Variants in SFRP1 observed in about 807,000 individuals in gnomAD.
SFRP1 encodes the protein secreted frizzled-related protein 1.
In SFRP1, 9 loss-of-function variants were observed where a neutral mutation model predicts 25.9. The observed-to-expected ratio is 0.35, with a 90% CI of 0.21 to 0.61. The LOEUF (loss-of-function observed/expected upper bound fraction) is 0.61, where lower values mean the gene tolerates loss of function less well. Ranked by LOEUF, SFRP1 falls within the 20% of genes least tolerant of loss-of-function variation. The pLI is 0.78. For missense variants in SFRP1, 346 were observed against 418.2 expected (o/e 0.83, Z 1.51); for synonymous variants, 178 against 174.0 (o/e 1.02, Z -0.18).
At chr8:41,298,089 G>A (rs1409511907) in intron 2 of SFRP1, 2 of 152,208 alleles carry the variant, frequency 1.3e-5, no homozygotes, top group Admixed American at 6.5e-5. Context: ...AGTAACGTGA[G>A]GGCACGGACT....
intron 2 of SFRP1, among the ~76,000 whole-genome samples, chr8:41,281,288 C>CTGTTA (rs1282893649): frequency 1.1e-4 from 17 of 152,386 alleles, no homozygotes; most frequent in African/African-American, 3.6e-4. Context: ...AAGCTTTGCC[C>CTGTTA]TGTTACACAG....
At chr8:41,270,116 T>C (rs1803485904) in intron 2 of SFRP1, among the ~76,000 whole-genome samples, 1 of 151,506 alleles carries the variant, frequency 6.6e-6, no homozygotes, top group Non-Finnish European at 1.5e-5. Context: ...GGATCTGGAG[T>C]GGTGAGGGCA....
chr8:41,268,058 G>T (rs916716644), intron 2 of SFRP1, among the ~76,000 whole-genome samples: 1 of 152,190 alleles, frequency 6.6e-6, no homozygotes, highest in Non-Finnish European at 1.5e-5. Flanking sequence ...TTATTTATTA[G>T]AGATGGGAGA....
intron 2 of SFRP1, among the ~76,000 whole-genome samples, chr8:41,269,038 C>T (rs1803470385): frequency 6.6e-6 from 1 of 152,220 alleles, no homozygotes; most frequent in South Asian, 2.1e-4. Context: ...GACTGCAGGC[C>T]TGGTGGATCG....
chr8:41,276,915 A>G (rs2117488922), intron 2 of SFRP1: 1 of 456,368 alleles, frequency 2.2e-6, no homozygotes, highest in South Asian at 1.5e-5. Context: ...ACGCAAGCTC[A>G]TGTACACATG....
chr8:41,280,120 C>T (rs1158940271), intron 2 of SFRP1, among the ~76,000 whole-genome samples: 1 of 152,222 alleles, frequency 6.6e-6, no homozygotes, highest in African/African-American at 2.4e-5. Flanking sequence ...ATGGGCAGCG[C>T]TGGGCTTCCC....
intron 2 of SFRP1, chr8:41,270,902 C>T (rs574876636): frequency 6.6e-6 from 1 of 151,956 alleles, no homozygotes; most frequent in East Asian, 1.9e-4. Context: ...CTGGGGTATA[C>T]TAGACACAGA....
rs543483036 is a variant in SFRP1, at chr8:41,263,720, A to C, written c.*1447T>G. 4 of 152,222 alleles carry C rather than the reference A, an allele frequency of 2.6e-5. No individual in the cohort carries two copies. The South Asian group carries it at 8.3e-4, about 32-fold the overall frequency. 9.4% of individuals were successfully genotyped at this position (152,222 alleles called of 1,614,324 possible). On this transcript the variant is annotated 3_prime_UTR_variant, in exon 3 of 3. Transcript: ENST00000220772. ...TGTCTAAGTGAACTGGCTTATATAC[A>C]TCGCTGATTAAACATAAGGGCTTTG...
rs138819268 is a variant in SFRP1 at position 41,296,280 on chromosome 8, C to T, written c.622+7181G>A. 7.3e-3 allele frequency among the ~76,000 whole-genome samples: 1,118 copies of T among 152,314 alleles called. 8 individuals carry two copies. The highest frequency in any genetic ancestry group is 0.027 in the Middle Eastern group (8 of 294). ...TAGTGTTTACCTTGGTAAAAATTCA[C>T]GGGAAATCTTAGTCTGAACAGGCCC... On this transcript the variant is annotated intron_variant, in intron 2 of 2. Transcript: ENST00000220772.
At chr8:41,308,560 G>C in intron 1 of SFRP1, 56 bp downstream of exon 1, 1 of 1,415,212 alleles carries the variant, frequency 7.1e-7, no homozygotes. Context: ...TTCTCCTGCA[G>C]CTCCGGCCGG....
chr8:41,293,052 A>C, intron 2 of SFRP1, among the ~76,000 whole-genome samples: 1 of 152,200 alleles, frequency 6.6e-6, no homozygotes, highest in East Asian at 1.9e-4. Flanking sequence ...CTCAAGACTC[A>C]AGTCTTGCCT....
At chr8:41,268,713 GA>G in intron 2 of SFRP1, among the ~76,000 whole-genome samples, 1 of 152,306 alleles carries the variant, frequency 6.6e-6, no homozygotes, top group South Asian at 2.1e-4. Context: ...AAAAGATCAT[GA>G]GCTGTCCCGG....
chr8:41,297,895 T>C (rs1340720316), intron 2 of SFRP1, among the ~76,000 whole-genome samples: 7 of 151,992 alleles, frequency 4.6e-5, no homozygotes, highest in Non-Finnish European at 7.4e-5. Flanking sequence ...CGATGCCCCT[T>C]CCCAGGAAGC....
At chr8:41,270,238 T>C (rs748093198) in intron 2 of SFRP1, among the ~76,000 whole-genome samples, 2 of 152,170 alleles carry the variant, frequency 1.3e-5, no homozygotes, top group Non-Finnish European at 2.9e-5. Context: ...CCACATGGAT[T>C]AGACTGAGCC....
At chr8:41,278,021 G>C (rs1585509054) in intron 2 of SFRP1, among the ~76,000 whole-genome samples, 1 of 152,160 alleles carries the variant, frequency 6.6e-6, no homozygotes, top group Non-Finnish European at 1.5e-5. Context: ...AGGGTGGGTT[G>C]TTTGATTTGT....
chr8:41,279,645 G>C (rs1352331486), intron 2 of SFRP1, among the ~76,000 whole-genome samples: 2 of 152,070 alleles, frequency 1.3e-5, no homozygotes, highest in Non-Finnish European at 2.9e-5. Flanking sequence ...CTGCTTTTCA[G>C]GCCTGGGGGC....
chr8:41,293,826 G>A (rs1803807694), intron 2 of SFRP1, among the ~76,000 whole-genome samples: 1 of 152,114 alleles, frequency 6.6e-6, no homozygotes, highest in Non-Finnish European at 1.5e-5. Flanking sequence ...AGGCTGGAGT[G>A]CAGTGGCCTG....
Position 41,264,095 on chromosome 8 carries a change from C to G in SFRP1, c.*1072G>C, listed in dbSNP as rs1380300455. ...TGGCAAATGCCTGGGGAGAGCTGCT[C>G]CTCTGGGAAGCAGCCTCGGACGGAT... On this transcript the variant is annotated 3_prime_UTR_variant, in exon 3 of 3. Coordinates refer to ENST00000220772, the MANE Select transcript of SFRP1 (RefSeq NM_003012.5). 2 of 152,260 alleles carry G rather than the reference C, an allele frequency of 1.3e-5. No individual in the cohort carries two copies. Among genetic ancestry groups the G allele is most frequent in the Non-Finnish European group, 2.9e-5 (2 of 68,056 alleles). The allele number at this position is 152,260 out of a possible 1,614,324, so 9.4% of individuals were successfully genotyped here.
At position 41,262,493 on chromosome 8, in the gene SFRP1, T is replaced by C. The variant is rs1803387542; in HGVS notation, c.*2674A>G. 1 of 152,246 alleles carries C rather than the reference T, an allele frequency of 6.6e-6. No homozygotes were observed. Among genetic ancestry groups the C allele is most frequent in the East Asian group, 1.9e-4 (1 of 5,206 alleles). The allele number at this position is 152,246 out of a possible 1,614,324, so 9.4% of individuals were successfully genotyped here. ...TAACCCACAGGTACCAAGAGCCAAG[T>C]GTTACACAGGATATTTTAAAAATAA... On this transcript the variant is annotated 3_prime_UTR_variant, in exon 3 of 3. Coordinates refer to ENST00000220772, the MANE Select transcript of SFRP1 (RefSeq NM_003012.5).
Sources: gnomAD v4.1 joint callset for allele counts (sites outside exome capture counted in the v4.1 genomes callset) on GRCh38, gnomAD v4.1.1 for gene constraint, MANE v1.5 for transcripts, NCBI Gene and HGNC (gene_info 2026-07-23, HGNC 2026-07-21) for gene names.